Variants in TRPC4AP observed in about 807,000 individuals in gnomAD.
TRPC4AP encodes transient receptor potential cation channel subfamily C member 4 associated protein.
A neutral mutation model predicts 99.0 loss-of-function variants in TRPC4AP; 45 were observed. The ratio of observed to expected loss-of-function variants is 0.45; its 90% CI spans 0.36 to 0.58. The LOEUF (loss-of-function observed/expected upper bound fraction) is 0.58, where lower values mean the gene tolerates loss of function less well. TRPC4AP is among the 20% of genes least tolerant of loss of function. TRPC4AP has a pLI of 0.00. For synonymous variants in TRPC4AP, 408 were observed against 385.8 expected (o/e 1.06, Z -0.67); for missense variants, 879 against 985.3 (o/e 0.89, Z 1.44).
chr20:35,014,002 C>T (rs2082694816), intron 10 of TRPC4AP, among the ~76,000 whole-genome samples: 1 of 152,176 alleles, frequency 6.6e-6, no homozygotes, highest in South Asian at 2.1e-4. Flanking sequence ...AGCTGCCAGA[C>T]AAAAGCAAAA....
chr20:35,013,527 G>A (rs1269895165), intron 10 of TRPC4AP, among the ~76,000 whole-genome samples: 1 of 152,118 alleles, frequency 6.6e-6, no homozygotes, highest in Non-Finnish European at 1.5e-5. Context: ...GCAGTGAGCC[G>A]AGATCGCACC....
intron 5 of TRPC4AP, among the ~76,000 whole-genome samples, chr20:35,053,611 G>T (rs1214114269): frequency 6.6e-6 from 1 of 152,148 alleles, no homozygotes; most frequent in Admixed American, 6.5e-5. Flanking sequence ...GCACTTAAAA[G>T]GTGGCCAGGC....
intron 8 of TRPC4AP, 99 bp from the exon 9 acceptor site, chr20:35,021,455 C>A: frequency 7.3e-7 from 1 of 1,371,602 alleles, no homozygotes. Context: ...CATGGCCATT[C>A]GGCTGGGCCA....
intron 6 of TRPC4AP, among the ~76,000 whole-genome samples, chr20:35,049,524 C>T (rs557168471): frequency 1.3e-5 from 2 of 152,144 alleles, no homozygotes; most frequent in Non-Finnish European, 2.9e-5. Context: ...GCATAGCATA[C>T]AATAGCACAT....
At chr20:35,035,346 A>G (rs756568702) in intron 7 of TRPC4AP, 38 bp from the exon 8 acceptor site, 2 of 1,597,668 alleles carry the variant, frequency 1.3e-6, no homozygotes, top group Admixed American at 3.4e-5. Flanking sequence ...TTTTCAAAAT[A>G]GAGACCAGCA....
chr20:35,083,877 G>T (rs1196363772), intron 1 of TRPC4AP, among the ~76,000 whole-genome samples: 1 of 151,716 alleles, frequency 6.6e-6, no homozygotes, highest in African/African-American at 2.4e-5. Context: ...GAACTCAGCT[G>T]TATAGCAGAC....
intron 1 of TRPC4AP, among the ~76,000 whole-genome samples, chr20:35,082,337 G>T (rs1333540553): frequency 1.3e-5 from 2 of 152,074 alleles, no homozygotes; most frequent in Non-Finnish European, 2.9e-5. Flanking sequence ...TAGAACATTT[G>T]CAAAATGACC....
At chr20:35,024,176 C>G (rs2082961616) in intron 8 of TRPC4AP, among the ~76,000 whole-genome samples, 1 of 150,846 alleles carries the variant, frequency 6.6e-6, no homozygotes. Flanking sequence ...ACATACCATG[C>G]AATTCACCCA....
rs370972695 is a variant in TRPC4AP, at chr20:35,048,639, C to A, written c.657+1227G>T. On this transcript the variant is annotated intron_variant, in intron 6 of 18. Transcript: ENST00000252015. ...TTATGGTATCTATCCCCCTTTCAAA[C>A]TGCACCAAGATACCCATAATGTTTG... 3.4e-4 allele frequency among the ~76,000 whole-genome samples: 52 copies of A among 152,332 alleles called. No homozygotes were observed. In the South Asian group the frequency reaches 4.6e-3, roughly 13 times the overall value.
intron 9 of TRPC4AP, among the ~76,000 whole-genome samples, chr20:35,019,884 T>C (rs1315669378): frequency 6.6e-6 from 1 of 152,048 alleles, no homozygotes; most frequent in African/African-American, 2.4e-5. Context: ...ACACCAGGTG[T>C]AGGTAATCAA....
At chr20:35,064,968 A>G (rs2084106663) in intron 3 of TRPC4AP, among the ~76,000 whole-genome samples, 1 of 152,228 alleles carries the variant, frequency 6.6e-6, no homozygotes, top group African/African-American at 2.4e-5. Flanking sequence ...CGTCTTCATC[A>G]GAGTCACAGA....
intron 7 of TRPC4AP, among the ~76,000 whole-genome samples, chr20:35,043,405 C>T (rs974388909): frequency 1.3e-5 from 2 of 152,082 alleles, no homozygotes; most frequent in Non-Finnish European, 2.9e-5. Context: ...CACCACCACA[C>T]CCAGCTAATT....
At chr20:35,068,639 A>G (rs2145988621) in intron 3 of TRPC4AP, among the ~76,000 whole-genome samples, 1 of 152,130 alleles carries the variant, frequency 6.6e-6, no homozygotes, top group South Asian at 2.1e-4. Context: ...CTCCTGCCTC[A>G]GCCTCCTGAG....
chr20:35,092,760 C>G lies in TRPC4AP; in HGVS notation c.22G>C (p.Ala8Pro), dbSNP rs1420531308. ...CTCCCTCGGCCGGCTCCAGACCCAG[C>G]CGCTACCGGCGCCGCCGCCATGTCT... MAAAPVA[A>P]GSGAGRGRRS... The change falls in exon 1 of 19, where the codon GCT becomes CCT. Residue 8 changes from alanine to proline, a missense_variant. Ala to Pro is a conservative substitution (Grantham distance 27). This residue lies in a region of TRPC4AP where 603 missense variants were observed against 631.8 expected (regional missense o/e 0.95). Transcript: ENST00000252015. The G allele has an allele frequency of 3.2e-6, 5 of 1,544,866 alleles. No homozygotes were observed. The East Asian group carries it at 7.7e-5, about 24-fold the overall frequency.
intron 1 of TRPC4AP, among the ~76,000 whole-genome samples, chr20:35,085,609 T>TAA (rs71196788): frequency 0.013 from 1,827 of 137,576 alleles, 20 homozygotes; most frequent in South Asian, 0.03. Context: ...AGACCCTGTC[T>TAA]AAAAAAAAAA....
intron 1 of TRPC4AP, among the ~76,000 whole-genome samples, chr20:35,090,190 A>AAC (rs1250024523): frequency 2.7e-5 from 4 of 150,838 alleles, no homozygotes; most frequent in African/African-American, 4.9e-5. Flanking sequence ...TAAAAAAAAA[A>AAC]AAAACTAAGA....
intron 2 of TRPC4AP, among the ~76,000 whole-genome samples, chr20:35,073,074 GCTGT>G (rs774433781): frequency 6.6e-6 from 1 of 151,296 alleles, no homozygotes; most frequent in Non-Finnish European, 1.5e-5. Flanking sequence ...TCATGATTTG[GCTGT>G]CTGTTATTGG....
chr20:35,086,499 G>A lies in TRPC4AP; in HGVS notation c.168+6115C>T, dbSNP rs28680298. ...TGTATGTGTGTGTATATATATATGT[G>A]TATATATATGTGTGTGTGTGTATAT... On this transcript the variant is annotated intron_variant, in intron 1 of 18. Transcript: ENST00000252015. Among the ~76,000 whole-genome samples, 16 of 126,508 alleles carry A rather than the reference G, an allele frequency of 1.3e-4. 1 individual carries two copies. The highest frequency in any genetic ancestry group is 3.8e-4 in the African/African-American group (13 of 33,982). 83.0% of individuals were successfully genotyped at this position (126,508 alleles called of 152,430 possible). A position where few individuals can be genotyped will look rare whatever the true frequency, so the allele number is the denominator to read the frequency against.
chr20:35,011,562 T>C (rs1029249610), intron 11 of TRPC4AP, among the ~76,000 whole-genome samples: 2 of 152,142 alleles, frequency 1.3e-5, no homozygotes, highest in South Asian at 2.1e-4. Context: ...TCTACTTCTG[T>C]ACCATTGTGA....
Sources: allele counts gnomAD v4.1 joint callset (sites outside exome capture counted in the v4.1 genomes callset), GRCh38; gene constraint gnomAD v4.1.1; regional missense constraint gnomAD v4.1.1; transcripts MANE v1.5; gene names NCBI Gene and HGNC (gene_info 2026-07-23, HGNC 2026-07-21).